SLC4A10: variants seen among roughly 807,000 people sequenced by gnomAD.
The protein encoded by SLC4A10 is sodium-driven chloride bicarbonate exchanger.
A neutral mutation model predicts 137.7 loss-of-function variants in SLC4A10; 42 were observed. The ratio of observed to expected loss-of-function variants is 0.30; its 90% CI spans 0.24 to 0.39. SLC4A10 has a LOEUF of 0.39. Ranked by LOEUF, SLC4A10 falls within the 10% of genes least tolerant of loss-of-function variation. The pLI is 1.00. For synonymous variants in SLC4A10, 474 were observed against 464.1 expected, an observed-to-expected ratio of 1.02 and a Z score of -0.27; for missense variants, 925 against 1,355.0, an observed-to-expected ratio of 0.68 and a Z score of 4.98.
At chr2:161,858,460 A>T (rs1223149260) in intron 5 of SLC4A10, among the ~76,000 whole-genome samples, 2 of 152,172 alleles carry the variant, frequency 1.3e-5, no homozygotes, top group Admixed American at 6.5e-5. Flanking sequence ...GTTAATTTAA[A>T]ATATATCTGT....
intron 10 of SLC4A10, among the ~76,000 whole-genome samples, 174 bp downstream of exon 10, chr2:161,882,618 AAATT>A (rs771074091): frequency 6.6e-6 from 1 of 152,116 alleles, no homozygotes; most frequent in Admixed American, 6.6e-5. Context: ...AAGGGATAAT[AAATT>A]AACACCCATG....
intron 1 of SLC4A10, among the ~76,000 whole-genome samples, chr2:161,748,917 G>A (rs1031436324): frequency 4.6e-5 from 7 of 151,914 alleles, no homozygotes; most frequent in Admixed American, 3.3e-4. Flanking sequence ...ATGAACATGC[G>A]ATGTCTTTCC....
chr2:161,722,125 G>C (rs576096015), intron 1 of SLC4A10, among the ~76,000 whole-genome samples: 4 of 152,148 alleles, frequency 2.6e-5, no homozygotes, highest in African/African-American at 9.7e-5. Context: ...GGGTTAGAAC[G>C]TACTCCTTTA....
chr2:161,643,859 A>G lies in SLC4A10; in HGVS notation c.48+19293A>G, dbSNP rs567028095. 1.3e-5 allele frequency among the ~76,000 whole-genome samples: 2 copies of G among 152,272 alleles called. 1 individual carries two copies. Among genetic ancestry groups the G allele is most frequent in the Admixed American group, 1.3e-4 (2 of 15,300 alleles). On this transcript the variant is annotated intron_variant, in intron 1 of 26. Transcript: ENST00000446997. ...ACATCTACTTTTGAAACAAATAGCA[A>G]TCTATTAGGTTCAAATTAGGGGTGG...
At chr2:161,648,310 C>G (rs1217279721) in intron 1 of SLC4A10, among the ~76,000 whole-genome samples, 2 of 152,102 alleles carry the variant, frequency 1.3e-5, no homozygotes, top group Admixed American at 1.3e-4. Context: ...ATTACTTACT[C>G]ATTCACTTAC....
At chr2:161,695,765 C>G (rs1429825889) in intron 1 of SLC4A10, among the ~76,000 whole-genome samples, 46 of 152,108 alleles carry the variant, frequency 3.0e-4, no homozygotes, top group Admixed American at 3.0e-3. Context: ...ATCACTCTTT[C>G]ATTAAACTTA....
intron 2 of SLC4A10, among the ~76,000 whole-genome samples, chr2:161,777,296 T>C (rs2052467850): frequency 6.6e-6 from 1 of 151,910 alleles, no homozygotes; most frequent in African/African-American, 2.4e-5. Flanking sequence ...TTTTCTCCTA[T>C]TCTATATGTT....
In SLC4A10 at chr2:161,721,341, G is replaced by T. The variant is rs549205351; in HGVS notation, c.49-49632G>T. Among the ~76,000 whole-genome samples the T allele has an allele frequency of 5.3e-5, 8 of 152,262 alleles. No homozygotes were observed. In the East Asian group the frequency reaches 7.7e-4, roughly 15 times the overall value. ...CTAATGATTTTCCCTTTCATATTTAGTGCTTTTCTCAGGAGCTCTTACAAG... is the reference window on the plus strand; with the variant it reads ...CTAATGATTTTCCCTTTCATATTTATTGCTTTTCTCAGGAGCTCTTACAAG... On this transcript the variant is annotated intron_variant, in intron 1 of 26. Transcript: ENST00000446997.
intron 1 of SLC4A10, among the ~76,000 whole-genome samples, chr2:161,648,995 G>T (rs1238620710): frequency 2.0e-5 from 3 of 151,884 alleles, no homozygotes; most frequent in African/African-American, 7.3e-5. Flanking sequence ...TCAGAAAATT[G>T]TCCTCCAGAT....
At chr2:161,666,257 T>C (rs1347799065) in intron 1 of SLC4A10, among the ~76,000 whole-genome samples, 3 of 151,664 alleles carry the variant, frequency 2.0e-5, no homozygotes, top group Non-Finnish European at 3.0e-5. Context: ...GACAGAATAT[T>C]GTACCAAATA....
At chr2:161,786,832 C>G (rs563347624) in intron 2 of SLC4A10, among the ~76,000 whole-genome samples, 13 of 139,688 alleles carry the variant, frequency 9.3e-5, no homozygotes, top group African/African-American at 3.5e-4. Flanking sequence ...AAAGTTTATG[C>G]TTTATGACAT....
At chr2:161,654,535 T>C (rs1470869563) in intron 1 of SLC4A10, among the ~76,000 whole-genome samples, 2 of 152,196 alleles carry the variant, frequency 1.3e-5, no homozygotes, top group African/African-American at 4.8e-5. Context: ...AAGTCTTACA[T>C]CCATTTTGAG....
chr2:161,734,987 T>G (rs182813871), intron 1 of SLC4A10, among the ~76,000 whole-genome samples: 1 of 152,200 alleles, frequency 6.6e-6, no homozygotes, highest in Non-Finnish European at 1.5e-5. Context: ...CTTGCCACCA[T>G]GTAAGATGTG....
intron 18 of SLC4A10, among the ~76,000 whole-genome samples, chr2:161,949,879 T>C (rs1559608239): frequency 6.6e-6 from 1 of 152,010 alleles, no homozygotes; most frequent in East Asian, 1.9e-4. Flanking sequence ...TATCACATGA[T>C]GTGAGGTGTG....
chr2:161,968,237 C>G (rs1369858435), intron 23 of SLC4A10, among the ~76,000 whole-genome samples: 1 of 152,128 alleles, frequency 6.6e-6, no homozygotes, highest in Non-Finnish European at 1.5e-5. Flanking sequence ...TTCCCACTGC[C>G]CAGAACCACT....
At chr2:161,652,083 C>A (rs2036878909) in intron 1 of SLC4A10, among the ~76,000 whole-genome samples, 1 of 152,162 alleles carries the variant, frequency 6.6e-6, no homozygotes, top group South Asian at 2.1e-4. Flanking sequence ...CTATTCTATC[C>A]CTTTCATGCT....
At chr2:161,651,359 CT>C (rs2036768267) in intron 1 of SLC4A10, 1 of 152,470 alleles carries the variant, frequency 6.6e-6, no homozygotes, top group Admixed American at 6.5e-5. Context: ...CTGGCTCACC[CT>C]CCGGTTGTCT....
chr2:161,649,681 T>A (rs2036527969), intron 1 of SLC4A10, among the ~76,000 whole-genome samples: 1 of 152,014 alleles, frequency 6.6e-6, no homozygotes, highest in African/African-American at 2.4e-5. Context: ...GTAGTTAAAT[T>A]TATCAATCTT....
intron 1 of SLC4A10, among the ~76,000 whole-genome samples, chr2:161,722,152 T>C (rs2045751865): frequency 6.6e-6 from 1 of 152,206 alleles, no homozygotes; most frequent in Non-Finnish European, 1.5e-5. Flanking sequence ...TGAAATTTGT[T>C]ATTACTCACC....
Sources: allele counts gnomAD v4.1 joint callset (sites outside exome capture counted in the v4.1 genomes callset), GRCh38; gene constraint gnomAD v4.1.1; transcripts MANE v1.5; gene names NCBI Gene and HGNC (gene_info 2026-07-23, HGNC 2026-07-21).